DLEC1: variants seen among roughly 807,000 people sequenced by gnomAD.
DLEC1 encodes the protein deleted in lung and esophageal cancer protein 1.
Under a neutral mutation model 198.1 loss-of-function variants are expected in DLEC1, and 146 were observed. The observed-to-expected ratio is 0.74, with a 90% CI of 0.64 to 0.85. The LOEUF is 0.85. Among genes scored for constraint, DLEC1 ranks in the 40% least tolerant of loss-of-function variants. The pLI, the probability that DLEC1 is intolerant of heterozygous loss-of-function variation, is 0.00. For synonymous variants in DLEC1, 897 were observed against 866.8 expected (o/e 1.03, Z -0.61); for missense variants, 2,233 against 2,220.0 (o/e 1.01, Z -0.12).
At chr3:38,092,586 TC>T (rs1178351037) in intron 10 of DLEC1, among the ~76,000 whole-genome samples, 3 of 151,648 alleles carry the variant, frequency 2.0e-5, no homozygotes, top group Admixed American at 2.0e-4. Context: ...TATCTTCATA[TC>T]CTTTTAGCTT....
At position 38,115,724 on chromosome 3, in the gene DLEC1, G is replaced by T. The variant is rs546526357; in HGVS notation, c.3856+671G>T. On this transcript the variant is annotated intron_variant, in intron 27 of 36. Coordinates refer to ENST00000308059, the MANE Select transcript of DLEC1 (RefSeq NM_007335.4). ...TCTAGGTTTGGGACAGGACTTTGGGGACTTCTCAGCTTGGGGGCTTCTGGG... is the reference window on the plus strand; with the variant it reads ...TCTAGGTTTGGGACAGGACTTTGGGTACTTCTCAGCTTGGGGGCTTCTGGG... Among the ~76,000 whole-genome samples the T allele has an allele frequency of 3.9e-5, 6 of 152,254 alleles. No homozygotes were observed. The East Asian group carries it at 1.2e-3, about 29-fold the overall frequency.
rs1699937890 is a variant in DLEC1 at position 38,112,427 on chromosome 3, T to A, written c.3666+66T>A. On this transcript the variant is annotated intron_variant, in intron 25 of 36. Coordinates refer to ENST00000308059, the MANE Select transcript of DLEC1 (RefSeq NM_007335.4). The surrounding 1 kb of genome is among the most constrained non-coding windows in gnomAD (Gnocchi z 4.8). ...GTCTGCCCAGCCCTCGCCTTCAGCC[T>A]CTCTCCCCTCCAACACCTGGCCCTC... is the stretch of plus-strand genomic sequence containing the variant. 33 of 1,588,952 alleles carry A rather than the reference T, an allele frequency of 2.1e-5. 2 individuals carry two copies. In the African/African-American group the frequency reaches 2.7e-4, roughly 13 times the overall value.
chr3:38,058,802 T>C (rs6762863), intron 2 of DLEC1, among the ~76,000 whole-genome samples: 1 of 151,738 alleles, frequency 6.6e-6, no homozygotes, highest in East Asian at 2.0e-4. Flanking sequence ...TTGATAATGG[T>C]GGAGGCTGTG....
intron 24 of DLEC1, 79 bp downstream of exon 24, chr3:38,111,826 T>C: frequency 6.6e-7 from 1 of 1,510,766 alleles, no homozygotes; most frequent in Non-Finnish European, 8.9e-7. Flanking sequence ...GGCTGGCAGC[T>C]GCCAGGGAGC....
At chr3:38,051,668 C>T (rs1701125958) in intron 2 of DLEC1, 1 of 222,004 alleles carries the variant, frequency 4.5e-6, no homozygotes, top group African/African-American at 2.3e-5. Context: ...AAAAGCCGCC[C>T]TCATTCTAGG....
intron 12 of DLEC1, 79 bp downstream of exon 12, chr3:38,093,846 G>T: frequency 6.4e-7 from 1 of 1,562,174 alleles, no homozygotes; most frequent in Non-Finnish European, 8.7e-7. Context: ...GAGACAGGAG[G>T]TCCTTCCAAG....
At chr3:38,076,919 C>G (rs9855774) in intron 6 of DLEC1, among the ~76,000 whole-genome samples, 1 of 151,774 alleles carries the variant, frequency 6.6e-6, no homozygotes, top group Non-Finnish European at 1.5e-5. Context: ...AAGGAAGATT[C>G]TGTGGTAAGG....
intron 2 of DLEC1, among the ~76,000 whole-genome samples, chr3:38,056,221 C>T (rs1332319128): frequency 6.6e-6 from 1 of 152,020 alleles, no homozygotes; most frequent in Non-Finnish European, 1.5e-5. Context: ...TGAGATCGTG[C>T]CATCACACTC....
intron 19 of DLEC1, among the ~76,000 whole-genome samples, chr3:38,107,269 C>A (rs1345367317): frequency 6.6e-6 from 1 of 152,166 alleles, no homozygotes. Context: ...AAATAAGCCA[C>A]TTTGAAATAA....
intron 2 of DLEC1, among the ~76,000 whole-genome samples, chr3:38,049,558 C>G (rs1701017868): frequency 6.6e-6 from 1 of 152,218 alleles, no homozygotes; most frequent in Admixed American, 6.5e-5. Context: ...CCTCGCAGAG[C>G]CATGCCCAGG....
intron 6 of DLEC1, among the ~76,000 whole-genome samples, chr3:38,081,797 AC>A (rs1185546846): frequency 6.2e-5 from 5 of 81,116 alleles, no homozygotes; most frequent in East Asian, 3.8e-4. Flanking sequence ...CGGGGGGCTG[AC>A]CCCCCCACCT....
intron 6 of DLEC1, among the ~76,000 whole-genome samples, chr3:38,083,189 G>A (rs112657315): frequency 0.065 from 9,841 of 151,654 alleles, 424 homozygotes; most frequent in Middle Eastern, 0.12. Context: ...ATGTGCGTCC[G>A]TGTGAAGAGA....
intron 2 of DLEC1, among the ~76,000 whole-genome samples, chr3:38,055,519 T>G (rs928394420): frequency 6.7e-6 from 1 of 150,016 alleles, no homozygotes; most frequent in Non-Finnish European, 1.5e-5. Flanking sequence ...AAATAGATGG[T>G]TGTTCAAGAA....
rs1260467298 is a variant in DLEC1 at position 38,097,266 on chromosome 3, G to A, written c.2425G>A (p.Gly809Arg). The change falls in exon 16 of 37, where the codon GGG becomes AGG. Residue 809 changes from glycine (G) to arginine (R), a missense_variant. Physicochemically the swap from Gly to Arg is moderately radical, Grantham distance 125. Transcript: ENST00000308059. The part of the protein sequence containing the change: ...CHIIEVEPGT[G>R]VIEPSEVGDF... Reference sequence around the variant, plus strand: ...CATCATTGAAGTGGAGCCCGGCACAGGGGTCATAGGTACCTTGGGGACTGC... The same window carrying A: ...CATCATTGAAGTGGAGCCCGGCACAAGGGTCATAGGTACCTTGGGGACTGC... The A allele has an allele frequency of 1.3e-6, 2 of 1,579,986 alleles. No homozygotes were observed. Among genetic ancestry groups the A allele is most frequent in the Non-Finnish European group, 1.7e-6 (2 of 1,161,706 alleles).
At chr3:38,109,907 G>C in intron 22 of DLEC1, 192 bp from the exon 23 acceptor site, 1 of 727,384 alleles carries the variant, frequency 1.4e-6, no homozygotes, top group South Asian at 1.9e-5. Context: ...TTTGTGCAGA[G>C]TTTGAGGCCT....
Position 38,122,548 on chromosome 3 carries a change from C to T in DLEC1, c.*136C>T, listed in dbSNP as rs1700542980. The T allele has an allele frequency of 6.2e-7, 1 of 1,609,404 alleles. No individual in the cohort carries two copies. Among genetic ancestry groups the T allele is most frequent in the Non-Finnish European group, 8.5e-7 (1 of 1,178,838 alleles). On this transcript the variant is annotated 3_prime_UTR_variant, in exon 37 of 37. Coordinates refer to ENST00000308059, the MANE Select transcript of DLEC1 (RefSeq NM_007335.4). The stretch of plus-strand genomic sequence containing the variant: ...TGGGCAGCTCCTGGAATGGAAGAAC[C>T]CCCTTCCACAATGGTCTCAGCCTAG...
intron 35 of DLEC1, 97 bp downstream of exon 35, chr3:38,121,878 C>T (rs1700485986): frequency 6.5e-7 from 1 of 1,529,098 alleles, no homozygotes; most frequent in Non-Finnish European, 8.8e-7. Flanking sequence ...TCCCTGCATG[C>T]TGGCTCCCAG....
chr3:38,112,257 C>A lies in DLEC1; in HGVS notation c.3562C>A (p.Pro1188Thr). Residue 1188 changes from proline (P) to threonine (T), a missense_variant, in exon 25 of 37, where the codon CCT becomes ACT. Physicochemically the swap from Pro to Thr is conservative, Grantham distance 38. Coordinates refer to ENST00000308059, the MANE Select transcript of DLEC1 (RefSeq NM_007335.4). This position sits in a 1 kb window ranked among gnomAD's most constrained non-coding sequence, Gnocchi z 4.8. Reference sequence around the variant, plus strand: ...CCACGGGAAAGGAGCTGCTTTCTTCCCTCACTTTTCCCAGGGCATGCTGGG... The same window carrying A: ...CCACGGGAAAGGAGCTGCTTTCTTCACTCACTTTTCCCAGGGCATGCTGGG... ...LSHGKGAAFF[P>T]HFSQGMLGPY... 6.2e-7 allele frequency: 1 copy of A among 1,614,184 alleles called. No homozygotes were observed. The highest frequency in any genetic ancestry group is 1.1e-5 in the South Asian group (1 of 91,090).
intron 1 of DLEC1, among the ~76,000 whole-genome samples, chr3:38,040,642 G>C (rs1419281970): frequency 1.3e-5 from 2 of 152,100 alleles, no homozygotes; most frequent in African/African-American, 4.8e-5. Context: ...GCCAGACCTT[G>C]CCCTTGAACT....
Sources: allele counts gnomAD v4.1 joint callset (sites outside exome capture counted in the v4.1 genomes callset), GRCh38; gene constraint gnomAD v4.1.1; non-coding constraint Gnocchi (gnomAD v3.1); transcripts MANE v1.5; gene names NCBI Gene and HGNC (gene_info 2026-07-23, HGNC 2026-07-21).